Variants in WDR59 observed in about 807,000 individuals in gnomAD.
WDR59 encodes the protein WD repeat domain 59, also known as GATOR2 complex protein WDR59.
A neutral mutation model predicts 131.2 loss-of-function variants in WDR59; 100 were observed. That is an observed-to-expected ratio of 0.76 (90% CI 0.65 to 0.90). WDR59 has a LOEUF of 0.90. Among genes scored for constraint, WDR59 ranks in the 40% least tolerant of loss-of-function variants. WDR59 has a pLI of 0.00. For missense variants in WDR59, 1,203 were observed against 1,262.2 expected (o/e 0.95, Z 0.71); for synonymous variants, 601 against 466.2 (o/e 1.29, Z -3.72).
chr16:74,889,957 A>G (rs375880215), intron 20 of WDR59, 142 bp from the exon 21 acceptor site: 8 of 597,384 alleles, frequency 1.3e-5, no homozygotes, highest in South Asian at 6.8e-5. Context: ...ATTGAAATGC[A>G]TAAGTTTAGG....
intron 6 of WDR59, among the ~76,000 whole-genome samples, chr16:74,947,320 T>G (rs1470887287): frequency 1.3e-5 from 2 of 151,740 alleles, no homozygotes; most frequent in African/African-American, 4.8e-5. Context: ...TGGTGGCACA[T>G]GCCTGTAGTC....
At chr16:74,904,461 G>A in intron 17 of WDR59, 4 of 180,886 alleles carry the variant, frequency 2.2e-5, no homozygotes, top group Admixed American at 6.0e-5. Flanking sequence ...CAAATACCTA[G>A]GAATAAATTT....
At position 74,921,744 on chromosome 16, in the gene WDR59, G is replaced by C. The variant is rs76074880; in HGVS notation, c.886+203C>G. Among the ~76,000 whole-genome samples the C allele has an allele frequency of 7.4e-3, 1,098 of 149,372 alleles. 10 individuals are homozygous for C. Among genetic ancestry groups the C allele is most frequent in the African/African-American group, 0.025 (1,024 of 41,464 alleles). ...AGAGACTACGCTGACAATTGTGGAA[G>C]AGGACAGAATTTGGAAGAGTAACAG... On this transcript the variant is annotated intron_variant, in intron 10 of 25. Coordinates refer to ENST00000262144, the MANE Select transcript of WDR59 (RefSeq NM_030581.4).
intron 1 of WDR59, among the ~76,000 whole-genome samples, chr16:74,968,453 G>C (rs758475583): frequency 2.6e-5 from 4 of 152,182 alleles, no homozygotes; most frequent in African/African-American, 4.8e-5. Context: ...GGGTGCAGTA[G>C]CTCACACCTG....
At chr16:74,885,908 G>T in intron 24 of WDR59, 113 bp from the exon 25 acceptor site, 2 of 1,299,454 alleles carry the variant, frequency 1.5e-6, no homozygotes, top group Non-Finnish European at 1.0e-6. Context: ...AGGCACGGTG[G>T]CTAACACCTG....
rs14308 is a variant in WDR59, at chr16:74,886,293, G to A, written c.2523C>T (p.Arg841=). The part of the protein sequence containing the change: ...LTYSDPRERE[R]DQHDKNKRLL... ...ACCTTTTATTTTTATCATGCTGGTC[G>A]CGTTCTCGCTCACGGGGATCACTGT... The change falls in exon 24 of 26, where the codon CGC becomes CGT. Residue 841 remains arginine (R), a synonymous_variant. Coordinates refer to ENST00000262144, the MANE Select transcript of WDR59 (RefSeq NM_030581.4). 250,661 of 1,612,770 alleles carry A rather than the reference G, an allele frequency of 0.16. 21,284 individuals carry two copies. Among genetic ancestry groups the A allele is most frequent in the Middle Eastern group, 0.21 (1,273 of 6,016 alleles).
At chr16:74,954,886 A>G (rs1321472267) in intron 3 of WDR59, among the ~76,000 whole-genome samples, 1 of 152,228 alleles carries the variant, frequency 6.6e-6, no homozygotes, top group South Asian at 2.1e-4. Context: ...TTATGATTTC[A>G]TGTCTATGGA....
At chr16:74,972,609 G>A (rs984280499) in intron 1 of WDR59, among the ~76,000 whole-genome samples, 1 of 151,024 alleles carries the variant, frequency 6.6e-6, no homozygotes, top group Non-Finnish European at 1.5e-5. Flanking sequence ...CAAGGTGGGT[G>A]GATCATTTCA....
intron 24 of WDR59, 89 bp downstream of exon 24, chr16:74,886,181 A>AAAAAAAAAAAAAAAAAAG (rs1964752761): frequency 1.4e-6 from 2 of 1,425,186 alleles, no homozygotes; most frequent in African/African-American, 1.5e-5. Context: ...TGTGTCCAAA[A>AAAAAAAAAAAAAAAAAAG]AAAAAAAAAG....
intron 1 of WDR59, 63 bp downstream of exon 1, chr16:74,984,901 G>A: frequency 3.2e-6 from 5 of 1,574,176 alleles, no homozygotes; most frequent in Non-Finnish European, 3.5e-6. Flanking sequence ...GGAAGCAGCC[G>A]CGTGGGGGAG....
At position 74,873,922 on chromosome 16, in the gene WDR59, T is replaced by C; in HGVS notation, c.*287A>G. The C allele has an allele frequency of 2.5e-6, 1 of 405,128 alleles. No individual in the cohort carries two copies. Among genetic ancestry groups the C allele is most frequent in the Non-Finnish European group, 4.6e-6 (1 of 219,232 alleles). The allele number at this position is 405,128 out of a possible 1,614,324, so 25.1% of individuals were successfully genotyped here. A position where few individuals can be genotyped will look rare whatever the true frequency, so the allele number is the denominator to read the frequency against. On this transcript the variant is annotated 3_prime_UTR_variant, in exon 26 of 26. Transcript: ENST00000262144. ...ACACTGGCCCTGGAGCCAGGTGCTT[T>C]TCTCCATGAAAACTTCCACCTTGGT... is the stretch of plus-strand genomic sequence containing the variant.
chr16:74,931,407 C>T (rs2031374908), intron 8 of WDR59, among the ~76,000 whole-genome samples: 1 of 152,094 alleles, frequency 6.6e-6, no homozygotes, highest in South Asian at 2.1e-4. Flanking sequence ...ACAATCTTGG[C>T]TCAATACAAC....
At chr16:74,922,568 C>A (rs1017272022) in intron 9 of WDR59, among the ~76,000 whole-genome samples, 9 of 152,134 alleles carry the variant, frequency 5.9e-5, no homozygotes, top group Admixed American at 5.9e-4. Flanking sequence ...ACCTTCCCGC[C>A]CCCCCGGCAC....
At chr16:74,892,915 T>C (rs953813242) in intron 19 of WDR59, among the ~76,000 whole-genome samples, 4 of 152,226 alleles carry the variant, frequency 2.6e-5, no homozygotes, top group East Asian at 3.8e-4. Context: ...ACACTGACTA[T>C]GGTTCCTAAC....
chr16:74,977,324 G>A (rs1442108983), intron 1 of WDR59, among the ~76,000 whole-genome samples: 2 of 152,008 alleles, frequency 1.3e-5, no homozygotes, highest in African/African-American at 2.4e-5. Context: ...TGGGAGAATG[G>A]ATTTACAATA....
At chr16:74,961,009 T>C (rs2033539234) in intron 2 of WDR59, among the ~76,000 whole-genome samples, 3 of 152,020 alleles carry the variant, frequency 2.0e-5, no homozygotes, top group African/African-American at 2.4e-5. Context: ...ATTGTAAAAT[T>C]CAGTATAAGA....
intron 9 of WDR59, among the ~76,000 whole-genome samples, chr16:74,923,289 T>A (rs2030435939): frequency 6.6e-6 from 1 of 152,162 alleles, no homozygotes. Flanking sequence ...CCAGGTCTTC[T>A]GAATTTAAAG....
At chr16:74,925,587 T>A in intron 8 of WDR59, among the ~76,000 whole-genome samples, 1 of 144,554 alleles carries the variant, frequency 6.9e-6, no homozygotes, top group Admixed American at 7.0e-5. Context: ...CAAATTATAG[T>A]GATGGGGAAC....
At chr16:74,960,640 G>C (rs566334552) in intron 2 of WDR59, among the ~76,000 whole-genome samples, 2 of 151,898 alleles carry the variant, frequency 1.3e-5, no homozygotes, top group African/African-American at 4.8e-5. Flanking sequence ...AGCTACCTGG[G>C]AGGCTGAGGC....
Sources: gnomAD v4.1 joint callset for allele counts (sites outside exome capture counted in the v4.1 genomes callset) on GRCh38, gnomAD v4.1.1 for gene constraint, MANE v1.5 for transcripts, NCBI Gene and HGNC (gene_info 2026-07-23, HGNC 2026-07-21) for gene names.